ZNF267: variants seen among roughly 807,000 people sequenced by gnomAD.
ZNF267 encodes zinc finger (C2H2).
Under a neutral mutation model 71.6 loss-of-function variants are expected in ZNF267, and 61 were observed. That is an observed-to-expected ratio of 0.85 (90% CI 0.69 to 1.05). The LOEUF is 1.05. Ranked by LOEUF, ZNF267 falls within the 50% of genes least tolerant of loss-of-function variation. The pLI is 0.00. For missense variants in ZNF267, 852 were observed against 870.0 expected (o/e 0.98, Z 0.26); for synonymous variants, 288 against 293.2 (o/e 0.98, Z 0.18).
Position 31,915,807 on chromosome 16 carries a change from T to A in ZNF267, c.1558T>A (p.Tyr520Asn). 1 of 1,613,434 alleles carries A rather than the reference T, an allele frequency of 6.2e-7. No individual in the cohort carries two copies. The highest frequency in any genetic ancestry group is 8.5e-7 in the Non-Finnish European group (1 of 1,180,000). The change falls in exon 4 of 4, where the codon TAC becomes AAC. Residue 520 changes from tyrosine to asparagine, a missense_variant. Transcript: ENST00000300870. ...GAAAATTCATACTGGAGAAAATCTT[T>A]ACAAATGCAAAGTATGTGCTAAACC... ...HRKIHTGENL[Y>N]KCKVCAKPFT... is the part of the protein sequence containing the mutation.
At chr16:31,902,728 T>C (rs2084052085) in intron 3 of ZNF267, among the ~76,000 whole-genome samples, 1 of 152,232 alleles carries the variant, frequency 6.6e-6, no homozygotes, top group African/African-American at 2.4e-5. Context: ...TACAGTCATG[T>C]CATCTGCAAA....
At chr16:31,875,777 T>G (rs1461168055) in intron 1 of ZNF267, among the ~76,000 whole-genome samples, 1 of 152,246 alleles carries the variant, frequency 6.6e-6, no homozygotes, top group Non-Finnish European at 1.5e-5. Context: ...CTTAGATTGT[T>G]CATTTATTTC....
intron 3 of ZNF267, among the ~76,000 whole-genome samples, chr16:31,902,233 C>G (rs1049992626): frequency 2.0e-5 from 3 of 152,052 alleles, no homozygotes; most frequent in Non-Finnish European, 2.9e-5. Context: ...AGCATGATGC[C>G]TCCAGCTTTG....
At chr16:31,911,938 A>G (rs2084138726) in intron 3 of ZNF267, 1 of 151,518 alleles carries the variant, frequency 6.6e-6, no homozygotes, top group Non-Finnish European at 1.5e-5. Flanking sequence ...CAATAAGAAA[A>G]CTAGTAAAAA....
chr16:31,916,132 G>A lies in ZNF267; in HGVS notation c.1883G>A (p.Gly628Asp). Residue 628 changes from glycine to aspartate, a missense_variant, in exon 4 of 4, where the codon GGC (glycine) becomes GAC (aspartate). Physicochemically the swap from Gly to Asp is moderately conservative, Grantham distance 94 (BLOSUM62 -1). Coordinates refer to ENST00000300870, the MANE Select transcript of ZNF267 (RefSeq NM_003414.6). ...DVIQHRRIHT[G>D]QRPYKCEECG... ...ATTCAGCATCGGAGAATTCATACTG[G>A]CCAGAGACCCTACAAATGTGAAGAA... is the stretch of plus-strand genomic sequence containing the variant. 1.2e-6 allele frequency: 2 copies of A among 1,614,132 alleles called. No homozygotes were observed. The highest frequency in any genetic ancestry group is 1.7e-6 in the Non-Finnish European group (2 of 1,180,012).
chr16:31,903,182 G>T (rs1051361329), intron 3 of ZNF267, among the ~76,000 whole-genome samples: 1 of 152,058 alleles, frequency 6.6e-6, no homozygotes, highest in African/African-American at 2.4e-5. Flanking sequence ...TGCTGGATTC[G>T]GTTTACCAGT....
intron 3 of ZNF267, among the ~76,000 whole-genome samples, chr16:31,892,133 G>A (rs555434514): frequency 2.2e-4 from 34 of 152,254 alleles, no homozygotes; most frequent in Admixed American, 7.2e-4. Context: ...AGGTTTAATG[G>A]ACTTACAGTT....
chr16:31,897,450 T>C (rs770566934), intron 3 of ZNF267, among the ~76,000 whole-genome samples: 2 of 152,124 alleles, frequency 1.3e-5, no homozygotes, highest in Non-Finnish European at 2.9e-5. Context: ...TCTCTAATCT[T>C]TACATCATCT....
chr16:31,894,255 G>T (rs1363458808), intron 3 of ZNF267, among the ~76,000 whole-genome samples: 1 of 152,222 alleles, frequency 6.6e-6, no homozygotes, highest in Admixed American at 6.5e-5. Context: ...TCCTCTTCCA[G>T]CTCTGTCACA....
At chr16:31,910,805 A>AT (rs920896500) in intron 3 of ZNF267, among the ~76,000 whole-genome samples, 4 of 150,728 alleles carry the variant, frequency 2.7e-5, no homozygotes, top group African/African-American at 9.8e-5. Flanking sequence ...AGGTTATATG[A>AT]TTTTTTTCTT....
At chr16:31,877,399 T>C (rs1229774025) in intron 1 of ZNF267, among the ~76,000 whole-genome samples, 3 of 152,110 alleles carry the variant, frequency 2.0e-5, no homozygotes, top group African/African-American at 7.2e-5. Context: ...ACAAAGACTT[T>C]CTTTCACAGG....
At position 31,873,838 on chromosome 16, in the gene ZNF267, C is replaced by A; in HGVS notation, c.-129C>A. 1.5e-6 allele frequency: 2 copies of A among 1,327,172 alleles called. No homozygotes were observed. Among genetic ancestry groups the A allele is most frequent in the East Asian group, 2.4e-5 (1 of 42,138 alleles). The allele number at this position is 1,327,172 out of a possible 1,614,324, so 82.2% of individuals were successfully genotyped here. On this transcript the variant is annotated 5_prime_UTR_variant, in exon 1 of 4. Coordinates refer to ENST00000300870, the MANE Select transcript of ZNF267 (RefSeq NM_003414.6). ...AGCTCGGGTCTCCTCGCCACAGCTC[C>A]GAGTCTTTCGTTCTGGGAGGCCCAG...
intron 3 of ZNF267, among the ~76,000 whole-genome samples, chr16:31,904,687 A>G (rs375603984): frequency 2.6e-5 from 4 of 152,104 alleles, no homozygotes; most frequent in East Asian, 1.9e-4. Flanking sequence ...GTCTCTGCAC[A>G]TGAGATGGGT....
At chr16:31,875,294 C>T in intron 1 of ZNF267, 1 of 1,289,188 alleles carries the variant, frequency 7.8e-7, no homozygotes, top group Non-Finnish European at 1.0e-6. Flanking sequence ...TGTTAGAGGA[C>T]CGCCCAAGGT....
intron 3 of ZNF267, among the ~76,000 whole-genome samples, chr16:31,905,578 C>T (rs1008092773): frequency 2.6e-5 from 4 of 152,178 alleles, no homozygotes; most frequent in African/African-American, 7.2e-5. Context: ...TTGATCGAAT[C>T]GGCTACTGAG....
At chr16:31,910,869 C>G (rs576489611) in intron 3 of ZNF267, among the ~76,000 whole-genome samples, 1 of 151,258 alleles carries the variant, frequency 6.6e-6, no homozygotes, top group African/African-American at 2.4e-5. Context: ...TTTGCTGTAT[C>G]CCATAGGTTT....
chr16:31,906,864 G>A (rs1413885013), intron 3 of ZNF267, among the ~76,000 whole-genome samples: 9 of 151,978 alleles, frequency 5.9e-5, no homozygotes, highest in Non-Finnish European at 1.2e-4. Context: ...CGTCTTCTGC[G>A]TGGCTCAGGC....
chr16:31,886,630 T>TG (rs2083926403), intron 3 of ZNF267, among the ~76,000 whole-genome samples: 1 of 152,266 alleles, frequency 6.6e-6, no homozygotes, highest in Admixed American at 6.5e-5. Flanking sequence ...GGTTGGGTAC[T>TG]GCTACTGTAG....
At chr16:31,874,221 G>T in intron 1 of ZNF267, 1 of 474,164 alleles carries the variant, frequency 2.1e-6, no homozygotes, top group Non-Finnish European at 3.8e-6. Context: ...AGCCCTCTCT[G>T]GGCAGCTCCG....
Sources: gnomAD v4.1 joint callset for allele counts (sites outside exome capture counted in the v4.1 genomes callset) on GRCh38, gnomAD v4.1.1 for gene constraint, MANE v1.5 for transcripts, NCBI Gene and HGNC (gene_info 2026-07-23, HGNC 2026-07-21) for gene names.